The following RGPD5 variants were observed in gnomAD, a reference collection of about 807,000 sequenced individuals.
RGPD5 encodes the protein RANBP2-like and GRIP domain-containing protein 5/6.
the RGPD5 span, among the ~76,000 whole-genome samples, chr2:109,766,297 G>T: frequency 6.6e-6 from 1 of 151,028 alleles, no homozygotes; most frequent in Admixed American, 6.7e-5. Context: ...GCCTCGATGG[G>T]AAGCAGTGGA....
the RGPD5 span, among the ~76,000 whole-genome samples, chr2:109,761,260 TTC>T: frequency 6.8e-6 from 1 of 147,824 alleles, no homozygotes; most frequent in Non-Finnish European, 1.5e-5. Flanking sequence ...GCTGCATCCT[TTC>T]TGTCTCTCCC....
At chr2:109,778,475 G>T in the RGPD5 span, among the ~76,000 whole-genome samples, 2 of 149,938 alleles carry the variant, frequency 1.3e-5, no homozygotes, top group Non-Finnish European at 3.0e-5. Context: ...TGTTAAGAAG[G>T]TTTAGTAGCC....
chr2:109,763,282 G>A, the RGPD5 span, among the ~76,000 whole-genome samples: 2 of 150,420 alleles, frequency 1.3e-5, no homozygotes, highest in Admixed American at 6.8e-5. Context: ...ACATGTTTTA[G>A]CTCATTTAAT....
chr2:109,777,524 A>G, the RGPD5 span, among the ~76,000 whole-genome samples: 5 of 127,324 alleles, frequency 3.9e-5, no homozygotes, highest in African/African-American at 1.5e-4. Flanking sequence ...ACAGTTGCCT[A>G]TTTTCTTCTT....
At chr2:109,761,307 A>C in the RGPD5 span, among the ~76,000 whole-genome samples, 15 of 149,826 alleles carry the variant, frequency 1.0e-4, no homozygotes, top group East Asian at 3.0e-3. Flanking sequence ...GTGAACATCC[A>C]GGGCGGGAAA....
chr2:109,763,702 T>A, the RGPD5 span, among the ~76,000 whole-genome samples: 1 of 150,538 alleles, frequency 6.6e-6, no homozygotes, highest in Non-Finnish European at 1.5e-5. Context: ...GAAAGCTTCT[T>A]CCTTTGATTG....
At chr2:109,794,648 G>C in intron 1 of RGPD5, 111 bp downstream of exon 1, 1 of 898,334 alleles carries the variant, frequency 1.1e-6, no homozygotes, top group Non-Finnish European at 1.3e-6. Context: ...TGGCTCAGGC[G>C]TCATGTCTCC....
intron 1 of RGPD5, 79 bp downstream of exon 1, chr2:109,794,616 G>GCGA (rs1676881928): frequency 1.6e-6 from 1 of 617,672 alleles, no homozygotes; most frequent in African/African-American, 2.5e-5. Context: ...GGCGGGGGGG[G>GCGA]CGGCGGCGGC....
the RGPD5 span, among the ~76,000 whole-genome samples, chr2:109,774,511 T>C: frequency 4.1e-4 from 33 of 79,546 alleles, 2 homozygotes; most frequent in East Asian, 7.6e-4. Context: ...TATATATATA[T>C]ATAATATATA....
At chr2:109,763,717 T>C in the RGPD5 span, among the ~76,000 whole-genome samples, 1 of 150,524 alleles carries the variant, frequency 6.6e-6, no homozygotes, top group African/African-American at 2.4e-5. Context: ...TGATTGATCA[T>C]AGAAAAACTT....
the RGPD5 span, among the ~76,000 whole-genome samples, chr2:109,763,410 A>G: frequency 6.7e-6 from 1 of 150,238 alleles, no homozygotes; most frequent in Admixed American, 6.8e-5. Flanking sequence ...TTTCAACCAG[A>G]AATTAGCTTC....
At chr2:109,774,499 C>CATATAT in the RGPD5 span, among the ~76,000 whole-genome samples, 1 of 1,708 alleles carries the variant, frequency 5.9e-4, no homozygotes, top group African/African-American at 1.1e-3. Context: ...CAAAAACAAA[C>CATATAT]ATATATATAT....
At chr2:109,761,914 G>A in the RGPD5 span, among the ~76,000 whole-genome samples, 18 of 151,566 alleles carry the variant, frequency 1.2e-4, no homozygotes, top group African/African-American at 4.4e-4. Flanking sequence ...ACATGAATAT[G>A]CAATGTACAA....
chr2:109,780,031 C>CT, the RGPD5 span, among the ~76,000 whole-genome samples: 26 of 57,648 alleles, frequency 4.5e-4, no homozygotes, highest in South Asian at 9.3e-4. Flanking sequence ...GTCAATTTGA[C>CT]TTTTTTTTTT....
At chr2:109,764,667 G>A in the RGPD5 span, among the ~76,000 whole-genome samples, 24 of 147,450 alleles carry the variant, frequency 1.6e-4, 1 homozygote, top group African/African-American at 6.0e-4. Flanking sequence ...AGGAAAAATT[G>A]AATTAAAAAA....
the RGPD5 span, among the ~76,000 whole-genome samples, chr2:109,774,505 T>TATATATATATATATATAAA: frequency 1.9e-4 from 6 of 32,070 alleles, no homozygotes; most frequent in East Asian, 2.2e-3. Flanking sequence ...CAAACATATA[T>TATATATATATATATATAAA]ATATATATAA....
At chr2:109,765,870 CTT>C in the RGPD5 span, among the ~76,000 whole-genome samples, 1 of 150,658 alleles carries the variant, frequency 6.6e-6, no homozygotes, top group Non-Finnish European at 1.5e-5. Context: ...CCTTTTTAGA[CTT>C]TACTTCATGG....
At chr2:109,766,856 G>A in the RGPD5 span, among the ~76,000 whole-genome samples, 1 of 150,086 alleles carries the variant, frequency 6.7e-6, no homozygotes, top group African/African-American at 2.4e-5. Context: ...CGTAAAAGAC[G>A]ATTTTAATAT....
At chr2:109,763,148 A>C in the RGPD5 span, among the ~76,000 whole-genome samples, 1,119 of 150,040 alleles carry the variant, frequency 7.5e-3, 63 homozygotes, top group African/African-American at 0.026. Flanking sequence ...TTTATAGATG[A>C]GGAAATAGAA....
Sources: allele counts gnomAD v4.1 joint callset (sites outside exome capture counted in the v4.1 genomes callset), GRCh38; gene constraint gnomAD v4.1.1; transcripts MANE v1.5; gene names NCBI Gene and HGNC (gene_info 2026-07-23, HGNC 2026-07-21).